ANO4: variants seen among roughly 807,000 people sequenced by gnomAD.
ANO4 encodes anoctamin-4.
A neutral mutation model predicts 141.9 loss-of-function variants in ANO4; 69 were observed. That is an observed-to-expected ratio of 0.49 (90% confidence interval 0.40 to 0.59). The LOEUF (loss-of-function observed/expected upper bound fraction) is 0.59. ANO4 is among the 20% of genes least tolerant of loss of function. The probability of loss-of-function intolerance (pLI) is 0.00; values close to 1 mark genes in which losing one functional copy is unlikely to be tolerated. For missense variants in ANO4, 894 were observed against 1,162.2 expected, an observed-to-expected ratio of 0.77 and a Z score of 3.36; for synonymous variants, 350 against 394.3, an observed-to-expected ratio of 0.89 and a Z score of 1.33.
chr12:101,052,703 T>C (rs1194572964), intron 14 of ANO4, among the ~76,000 whole-genome samples: 1 of 152,214 alleles, frequency 6.6e-6, no homozygotes, highest in Non-Finnish European at 1.5e-5. Flanking sequence ...ATATTTATGC[T>C]AACTTTATAT....
rs146383009 is a variant in ANO4, at chr12:100,831,578, T to C, written c.-141+36551T>C. ...TTGGGGAGGGCACTGGGCTCCTCAGTGTGGTAACACAAGGCTGATGGAGAG... is the reference window on the plus strand; with the variant it reads ...TTGGGGAGGGCACTGGGCTCCTCAGCGTGGTAACACAAGGCTGATGGAGAG... On this transcript the variant is annotated intron_variant, in intron 1 of 27. Transcript: ENST00000392977. Among the ~76,000 whole-genome samples the C allele has an allele frequency of 1.4e-3, 212 of 152,254 alleles. 2 individuals carry two copies. Among genetic ancestry groups the C allele is most frequent in the African/African-American group, 4.9e-3 (203 of 41,576 alleles).
chr12:100,739,989 C>T, exon 3 of ANO4: 1 of 702,502 alleles, frequency 1.4e-6, no homozygotes, highest in Admixed American at 2.0e-5. Flanking sequence ...TACCACCGAT[C>T]CTTCACCCGC....
rs748666892 is a variant in ANO4 at position 100,988,872 on chromosome 12, G to GAAAAAAAAAAAAAAAA, written c.734+1203_734+1218dup. 1.4e-4 allele frequency among the ~76,000 whole-genome samples: 9 copies of GAAAAAAAAAAAAAAAA among 65,028 alleles called. 1 individual carries two copies. The highest frequency in any genetic ancestry group is 3.3e-4 in the Admixed American group (2 of 5,980). The allele number at this position is 65,028 out of a possible 152,430, so 42.7% of individuals were successfully genotyped here. ...GGTGACAGAGTGAGACTCTGTCTCA[G>GAAAAAAAAAAAAAAAA]AAAAAAAAAAAAAAAAGAAAGAAAA... is the stretch of plus-strand genomic sequence containing the variant. On this transcript the variant is annotated intron_variant, in intron 8 of 27. Transcript: ENST00000392977.
chr12:100,755,961 T>TA (rs2032590506), intron 3 of ANO4, among the ~76,000 whole-genome samples: 2 of 152,234 alleles, frequency 1.3e-5, no homozygotes, highest in African/African-American at 4.8e-5. Context: ...TGCAAAGAGA[T>TA]TCTGAATAGT....
At chr12:100,909,191 A>G (rs375365546) in intron 2 of ANO4, among the ~76,000 whole-genome samples, 1 of 152,386 alleles carries the variant, frequency 6.6e-6, no homozygotes. Flanking sequence ...TGATTAGAAT[A>G]GAATATCTTC....
chr12:100,920,182 G>T (rs1053624076), intron 2 of ANO4, among the ~76,000 whole-genome samples: 3 of 151,948 alleles, frequency 2.0e-5, no homozygotes. Flanking sequence ...GGTTATGTTG[G>T]ATTTATTTGG....
intron 1 of ANO4, among the ~76,000 whole-genome samples, chr12:100,821,897 T>C (rs527900324): frequency 4.7e-4 from 72 of 152,148 alleles, no homozygotes; most frequent in Non-Finnish European, 2.9e-5. Flanking sequence ...TAGTTAGGCA[T>C]ATTTTAAATT....
At chr12:101,078,842 A>T (rs1048100339) in intron 14 of ANO4, among the ~76,000 whole-genome samples, 2 of 152,352 alleles carry the variant, frequency 1.3e-5, no homozygotes, top group East Asian at 1.9e-4. Flanking sequence ...AAAATAAAAA[A>T]AAATAAATGC....
intron 9 of ANO4, among the ~76,000 whole-genome samples, chr12:101,027,622 T>G (rs2046798621): frequency 6.6e-6 from 1 of 152,190 alleles, no homozygotes; most frequent in African/African-American, 2.4e-5. Flanking sequence ...CTTCAGGCAC[T>G]GACATATCCT....
At chr12:101,113,973 CTT>C (rs2137028489) in intron 24 of ANO4, among the ~76,000 whole-genome samples, 1 of 152,304 alleles carries the variant, frequency 6.6e-6, no homozygotes, top group African/African-American at 2.4e-5. Flanking sequence ...AGAAAACTGA[CTT>C]TATATTCACA....
intron 8 of ANO4, among the ~76,000 whole-genome samples, chr12:100,996,218 A>G (rs895148239): frequency 2.6e-5 from 4 of 152,246 alleles, no homozygotes; most frequent in Admixed American, 2.6e-4. Context: ...TGGGCATTAT[A>G]AAAAGACCAC....
At chr12:101,085,126 T>G (rs890382319) in intron 16 of ANO4, among the ~76,000 whole-genome samples, 1 of 152,204 alleles carries the variant, frequency 6.6e-6, no homozygotes, top group Non-Finnish European at 1.5e-5. Flanking sequence ...GAAAATAAAT[T>G]ATGTGCAAAA....
At chr12:101,059,408 A>G (rs529020483) in intron 14 of ANO4, among the ~76,000 whole-genome samples, 8 of 152,198 alleles carry the variant, frequency 5.3e-5, no homozygotes, top group South Asian at 2.1e-4. Context: ...CTCATTTTCT[A>G]TTGTTTGGAA....
At chr12:100,964,518 CT>C (rs757153045) in intron 5 of ANO4, among the ~76,000 whole-genome samples, 2 of 152,068 alleles carry the variant, frequency 1.3e-5, no homozygotes, top group Non-Finnish European at 2.9e-5. Flanking sequence ...AAATTAATAT[CT>C]CCTCCTAGCC....
intron 1 of ANO4, among the ~76,000 whole-genome samples, chr12:100,799,520 G>C (rs1435797556): frequency 2.0e-5 from 3 of 152,198 alleles, no homozygotes; most frequent in Non-Finnish European, 4.4e-5. Flanking sequence ...GAGGTGGGCA[G>C]ATCATGAGGT....
At chr12:101,024,032 A>G (rs1028035582) in intron 9 of ANO4, among the ~76,000 whole-genome samples, 6 of 152,260 alleles carry the variant, frequency 3.9e-5, no homozygotes, top group Admixed American at 3.3e-4. Flanking sequence ...AGTGGAATGT[A>G]AACTGCCACT....
chr12:101,046,036 G>A (rs1179090738), intron 13 of ANO4, among the ~76,000 whole-genome samples: 1 of 152,230 alleles, frequency 6.6e-6, no homozygotes, highest in Non-Finnish European at 1.5e-5. Flanking sequence ...CTTTGAGTAA[G>A]GGTCAGAGGC....
chr12:100,765,640 T>G (rs978198088), intron 3 of ANO4, among the ~76,000 whole-genome samples: 1 of 151,032 alleles, frequency 6.6e-6, no homozygotes, highest in Non-Finnish European at 1.5e-5. Flanking sequence ...CCTCCCAGAA[T>G]GCTAGGAATT....
intron 3 of ANO4, among the ~76,000 whole-genome samples, chr12:100,756,973 AT>A (rs1479419493): frequency 3.9e-5 from 6 of 151,986 alleles, no homozygotes; most frequent in Non-Finnish European, 8.8e-5. Flanking sequence ...TCCATCTGGG[AT>A]GTCCTGCAGG....
Sources: allele counts gnomAD v4.1 joint callset (sites outside exome capture counted in the v4.1 genomes callset), GRCh38; gene constraint gnomAD v4.1.1; transcripts MANE v1.5; gene names NCBI Gene and HGNC (gene_info 2026-07-23, HGNC 2026-07-21).